The following MCTP1 variants were observed in gnomAD, a reference collection of about 807,000 sequenced individuals.
MCTP1 encodes the protein multiple C2 and transmembrane domain-containing protein 1.
In MCTP1, 69 loss-of-function variants were observed where a neutral mutation model predicts 120.6. The observed-to-expected ratio is 0.57, with a 90% CI of 0.47 to 0.70. The LOEUF (loss-of-function observed/expected upper bound fraction) is 0.70, where lower values mean the gene tolerates loss of function less well. MCTP1 is among the 30% of genes least tolerant of loss of function. The pLI is 0.00. For synonymous variants in MCTP1, 529 were observed against 493.1 expected (o/e 1.07, Z -0.96); for missense variants, 1,203 against 1,248.8 (o/e 0.96, Z 0.55).
At chr5:94,717,715 A>C (rs143022462) in intron 19 of MCTP1, among the ~76,000 whole-genome samples, 241 of 152,274 alleles carry the variant, frequency 1.6e-3, no homozygotes, top group African/African-American at 5.5e-3. Context: ...TAGCATTCCT[A>C]TACACCAACC....
intron 17 of MCTP1, among the ~76,000 whole-genome samples, chr5:94,866,860 C>CT (rs5869655): frequency 0.76 from 114,665 of 151,516 alleles, 44,524 homozygotes; most frequent in African/African-American, 0.84. Context: ...ACACAATACA[C>CT]GTAAATGCTA....
chr5:95,000,105 C>A (rs990311181), intron 2 of MCTP1, among the ~76,000 whole-genome samples: 3 of 152,136 alleles, frequency 2.0e-5, no homozygotes, highest in Non-Finnish European at 4.4e-5. Context: ...TTATCATGGA[C>A]CTGAAAAATT....
At position 94,753,099 on chromosome 5, in the gene MCTP1, CCTGA is replaced by C. The variant is rs796671369; in HGVS notation, c.2610+26007_2610+26010del. 1.2e-4 allele frequency among the ~76,000 whole-genome samples: 19 copies of C among 152,250 alleles called. 1 individual carries two copies. The highest frequency in any genetic ancestry group is 4.1e-4 in the African/African-American group (17 of 41,560). ...GGATGAACTCTCAGGTCCTAATTAC[CCTGA>C]CTGAGAAGAGACCAGTAGAAACTTT... On this transcript the variant is annotated intron_variant, in intron 19 of 22. Coordinates refer to ENST00000515393, the MANE Select transcript of MCTP1 (RefSeq NM_024717.7).
At chr5:94,883,005 C>A (rs1249447714) in intron 12 of MCTP1, among the ~76,000 whole-genome samples, 1 of 152,130 alleles carries the variant, frequency 6.6e-6, no homozygotes, top group East Asian at 1.9e-4. Context: ...TTTAGAAGAA[C>A]ACTTTTCCTA....
At chr5:94,856,051 A>G (rs1374257986) in intron 17 of MCTP1, among the ~76,000 whole-genome samples, 1 of 151,760 alleles carries the variant, frequency 6.6e-6, no homozygotes, top group Non-Finnish European at 1.5e-5. Flanking sequence ...ACTGTACACT[A>G]AGAATATTGT....
intron 1 of MCTP1, among the ~76,000 whole-genome samples, chr5:95,176,872 ATTTT>A (rs199555551): frequency 1.3e-5 from 2 of 148,536 alleles, no homozygotes; most frequent in African/African-American, 4.9e-5. Flanking sequence ...ATATACCTAC[ATTTT>A]TTTTTTGAGA....
chr5:94,925,849 CTAATTTA>C (rs1179807321), intron 6 of MCTP1, among the ~76,000 whole-genome samples: 2 of 152,146 alleles, frequency 1.3e-5, no homozygotes, highest in Non-Finnish European at 2.9e-5. Flanking sequence ...ACCAAGATTT[CTAATTTA>C]TAAGAGTAGT....
At chr5:95,114,080 G>C (rs1254691914) in intron 1 of MCTP1, among the ~76,000 whole-genome samples, 2 of 152,230 alleles carry the variant, frequency 1.3e-5, no homozygotes, top group African/African-American at 4.8e-5. Flanking sequence ...GCCAGTCCTG[G>C]CAAGATCATC....
At chr5:94,992,594 C>T (rs1273846503) in intron 2 of MCTP1, among the ~76,000 whole-genome samples, 2 of 152,164 alleles carry the variant, frequency 1.3e-5, no homozygotes, top group African/African-American at 2.4e-5. Context: ...CACAGGAGTG[C>T]GTTTGGCCCA....
chr5:94,871,205 A>T, intron 14 of MCTP1, 110 bp downstream of exon 14: 2 of 760,384 alleles, frequency 2.6e-6, no homozygotes, highest in South Asian at 3.3e-5. Flanking sequence ...TTCTTATTAC[A>T]GACCTTGGTT....
chr5:95,117,579 T>C (rs1757915986), intron 1 of MCTP1, among the ~76,000 whole-genome samples: 1 of 152,080 alleles, frequency 6.6e-6, no homozygotes, highest in African/African-American at 2.4e-5. Context: ...TGTAAATTAG[T>C]TCAACCATTG....
intron 1 of MCTP1, among the ~76,000 whole-genome samples, chr5:95,155,802 C>T (rs1169972620): frequency 1.3e-5 from 2 of 152,142 alleles, no homozygotes; most frequent in Non-Finnish European, 2.9e-5. Flanking sequence ...CCCTTTCCCC[C>T]AAGTGTGGGA....
At chr5:95,190,262 A>G (rs779224094) in intron 1 of MCTP1, among the ~76,000 whole-genome samples, 4 of 152,120 alleles carry the variant, frequency 2.6e-5, no homozygotes, top group Non-Finnish European at 4.4e-5. Flanking sequence ...GAAATATCCA[A>G]CTAGCCTGCA....
chr5:95,081,747 C>T (rs1314510757), intron 1 of MCTP1: 2 of 1,203,604 alleles, frequency 1.7e-6, no homozygotes, highest in East Asian at 7.0e-5. Context: ...CATTGCAAAA[C>T]TGTTAGTACA....
At chr5:95,004,128 C>A (rs931644979) in intron 2 of MCTP1, among the ~76,000 whole-genome samples, 2 of 152,142 alleles carry the variant, frequency 1.3e-5, no homozygotes, top group Non-Finnish European at 2.9e-5. Flanking sequence ...GGTGGCATTG[C>A]GTTTCTGCTC....
intron 2 of MCTP1, among the ~76,000 whole-genome samples, chr5:94,994,551 T>C (rs1832235863): frequency 6.6e-6 from 1 of 152,170 alleles, no homozygotes; most frequent in African/African-American, 2.4e-5. Flanking sequence ...ATATAGTAAT[T>C]GGTGTGGCAG....
Position 95,284,599 on chromosome 5 carries a change from C to T in MCTP1, c.-24G>A. 2.2e-6 allele frequency: 3 copies of T among 1,395,012 alleles called. No individual in the cohort carries two copies. The highest frequency in any genetic ancestry group is 3.1e-5 in the South Asian group (2 of 63,790). 86.4% of individuals were successfully genotyped at this position (1,395,012 alleles called of 1,614,324 possible). On this transcript the variant is annotated 5_prime_UTR_variant, in exon 1 of 23. Coordinates refer to ENST00000515393, the MANE Select transcript of MCTP1 (RefSeq NM_024717.7). The surrounding 1 kb of genome is among the most constrained non-coding windows in gnomAD (Gnocchi z 5.2). ...ATCCTCCACCCCCTGCTCCTCCTCT[C>T]CCCTCCTCCTCCTCCTCCTCCTCCT...
intron 17 of MCTP1, among the ~76,000 whole-genome samples, chr5:94,818,378 T>C (rs1784919889): frequency 6.6e-6 from 1 of 152,204 alleles, no homozygotes; most frequent in Non-Finnish European, 1.5e-5. Context: ...TCAGACATAA[T>C]TAGAATCTCT....
At chr5:95,180,200 G>A (rs1748451506) in intron 1 of MCTP1, among the ~76,000 whole-genome samples, 1 of 152,124 alleles carries the variant, frequency 6.6e-6, no homozygotes, top group Admixed American at 6.5e-5. Flanking sequence ...CAACAATAGT[G>A]GGGGACTTGA....
Sources: gnomAD v4.1 joint callset for allele counts (sites outside exome capture counted in the v4.1 genomes callset) on GRCh38, gnomAD v4.1.1 for gene constraint, Gnocchi (gnomAD v3.1) non-coding constraint, MANE v1.5 for transcripts, NCBI Gene and HGNC (gene_info 2026-07-23, HGNC 2026-07-21) for gene names.